Variants in NKAIN3 observed in about 807,000 individuals in gnomAD.
The protein encoded by NKAIN3 is sodium/potassium transporting ATPase interacting 3, also known as sodium/potassium-transporting ATPase subunit beta-1-interacting protein 3.
NKAIN3 carries 25 observed loss-of-function variants against 30.2 expected under a neutral mutation model. The ratio of observed to expected loss-of-function variants is 0.83; its 90% confidence interval spans 0.60 to 1.16. The LOEUF is 1.16. Among genes scored for constraint, NKAIN3 ranks in the 50% most tolerant of loss-of-function variants. NKAIN3 has a pLI of 0.00. For synonymous variants in NKAIN3, 91 were observed against 89.6 expected, an observed-to-expected ratio of 1.02 and a Z score of -0.09; for missense variants, 225 against 254.1, an observed-to-expected ratio of 0.89 and a Z score of 0.78.
At chr8:62,950,627 G>C (rs1376151617) in intron 5 of NKAIN3, among the ~76,000 whole-genome samples, 3 of 151,698 alleles carry the variant, frequency 2.0e-5, no homozygotes, top group Non-Finnish European at 1.5e-5. Flanking sequence ...ACAAGTAACA[G>C]TTTAAAAAGA....
chr8:62,417,929 AAG>A (rs1804502564), intron 1 of NKAIN3, among the ~76,000 whole-genome samples: 1 of 152,202 alleles, frequency 6.6e-6, no homozygotes, highest in Non-Finnish European at 1.5e-5. Context: ...ACAATCAAAA[AAG>A]AGAGGATGAA....
chr8:62,435,918 C>A (rs1378457447), intron 1 of NKAIN3, among the ~76,000 whole-genome samples: 2 of 152,114 alleles, frequency 1.3e-5, no homozygotes, highest in African/African-American at 4.8e-5. Flanking sequence ...GACAACATTT[C>A]TTTAGCCATT....
chr8:62,456,655 T>A (rs1805829998), intron 1 of NKAIN3, among the ~76,000 whole-genome samples: 1 of 152,242 alleles, frequency 6.6e-6, no homozygotes, highest in African/African-American at 2.4e-5. Context: ...CAGTTTGTAC[T>A]TTCACCTGGA....
At chr8:62,536,231 A>C (rs535845393) in intron 1 of NKAIN3, among the ~76,000 whole-genome samples, 10 of 152,312 alleles carry the variant, frequency 6.6e-5, no homozygotes, top group Admixed American at 1.3e-4. Context: ...TTCATTTTAA[A>C]ATAAATTTAT....
intron 1 of NKAIN3, among the ~76,000 whole-genome samples, chr8:62,405,571 A>G (rs1451407973): frequency 6.6e-6 from 1 of 152,126 alleles, no homozygotes; most frequent in African/African-American, 2.4e-5. Context: ...GAGTCCCATA[A>G]TCACTGCTCT....
At chr8:62,291,265 C>G (rs1813614616) in intron 1 of NKAIN3, among the ~76,000 whole-genome samples, 1 of 152,096 alleles carries the variant, frequency 6.6e-6, no homozygotes, top group Non-Finnish European at 1.5e-5. Context: ...TTAGTTATTT[C>G]TTGACTTCTG....
intron 1 of NKAIN3, among the ~76,000 whole-genome samples, chr8:62,426,290 G>T (rs556035210): frequency 6.6e-6 from 1 of 152,010 alleles, no homozygotes; most frequent in South Asian, 2.1e-4. Context: ...GTATTTTAAA[G>T]AAGTCTTTCT....
At chr8:62,632,981 G>A (rs947490719) in intron 3 of NKAIN3, among the ~76,000 whole-genome samples, 7 of 152,236 alleles carry the variant, frequency 4.6e-5, no homozygotes, top group Admixed American at 3.9e-4. Flanking sequence ...AGGCAGAGTG[G>A]CACTTGGCTG....
intron 3 of NKAIN3, among the ~76,000 whole-genome samples, chr8:62,663,639 G>T (rs1813010463): frequency 6.6e-6 from 1 of 151,976 alleles, no homozygotes; most frequent in African/African-American, 2.4e-5. Context: ...CTGCACACAG[G>T]GATAGTGACA....
At chr8:62,736,978 C>T (rs1399230843) in intron 3 of NKAIN3, among the ~76,000 whole-genome samples, 5 of 152,142 alleles carry the variant, frequency 3.3e-5, no homozygotes, top group Admixed American at 2.0e-4. Context: ...CTTCAGGTTC[C>T]CCAGTGAGGA....
Position 62,970,197 on chromosome 8 carries a change from G to T in NKAIN3, c.*4790G>T, listed in dbSNP as rs1294940573. ...AGTGCACTACTGCACTCCAGCCTAG[G>T]CAATACAGCAAAAGCCTGTCTCTAA... On this transcript the variant is annotated 3_prime_UTR_variant, in exon 7 of 7. Coordinates refer to ENST00000623646, the MANE Select transcript of NKAIN3 (RefSeq NM_001304533.3). 6.6e-6 allele frequency among the ~76,000 whole-genome samples: 1 copy of T among 152,044 alleles called. No individual in the cohort carries two copies. Among genetic ancestry groups the T allele is most frequent in the African/African-American group, 2.4e-5 (1 of 41,394 alleles).
chr8:62,434,637 C>G (rs938047789), intron 1 of NKAIN3, among the ~76,000 whole-genome samples: 22 of 152,294 alleles, frequency 1.4e-4, no homozygotes, highest in African/African-American at 4.8e-4. Flanking sequence ...ATGATCAAGG[C>G]ATTCCTTCTA....
intron 3 of NKAIN3, among the ~76,000 whole-genome samples, chr8:62,640,503 T>C (rs768781404): frequency 1.3e-5 from 2 of 152,158 alleles, no homozygotes; most frequent in Non-Finnish European, 2.9e-5. Context: ...GTAGTATCTC[T>C]ATAACAGTGT....
At chr8:62,554,458 A>C (rs931286284) in intron 1 of NKAIN3, among the ~76,000 whole-genome samples, 1 of 152,160 alleles carries the variant, frequency 6.6e-6, no homozygotes, top group African/African-American at 2.4e-5. Context: ...CCATCCCCAG[A>C]AAATAAATCA....
chr8:62,573,143 A>G (rs940401470), intron 1 of NKAIN3, among the ~76,000 whole-genome samples: 2 of 152,200 alleles, frequency 1.3e-5, no homozygotes, highest in African/African-American at 4.8e-5. Context: ...TACAAAATAT[A>G]GACACATAAC....
intron 3 of NKAIN3, among the ~76,000 whole-genome samples, chr8:62,656,078 G>A (rs1812754094): frequency 6.6e-6 from 1 of 152,064 alleles, no homozygotes; most frequent in South Asian, 2.1e-4. Flanking sequence ...AGATCTCAAG[G>A]AGAAGGTGGA....
At chr8:62,391,187 ATAACT>A (rs1482330859) in intron 1 of NKAIN3, among the ~76,000 whole-genome samples, 1 of 152,136 alleles carries the variant, frequency 6.6e-6, no homozygotes, top group African/African-American at 2.4e-5. Flanking sequence ...TATGCAAAAA[ATAACT>A]TAAGATGGAT....
At chr8:62,457,491 A>T (rs1805856578) in intron 1 of NKAIN3, among the ~76,000 whole-genome samples, 1 of 152,194 alleles carries the variant, frequency 6.6e-6, no homozygotes, top group Admixed American at 6.5e-5. Context: ...CTGCCTTTGA[A>T]GTCCTCTCCA....
chr8:62,958,075 G>A (rs1005625823), intron 6 of NKAIN3, among the ~76,000 whole-genome samples: 2 of 152,120 alleles, frequency 1.3e-5, no homozygotes, highest in African/African-American at 2.4e-5. Flanking sequence ...AAGAAAACGG[G>A]TATCCCCAGC....
Sources: gnomAD v4.1 joint callset for allele counts (sites outside exome capture counted in the v4.1 genomes callset) on GRCh38, gnomAD v4.1.1 for gene constraint, MANE v1.5 for transcripts, NCBI Gene and HGNC (gene_info 2026-07-23, HGNC 2026-07-21) for gene names.